PCDH9: variants seen among roughly 807,000 people sequenced by gnomAD.
PCDH9 encodes protocadherin-9.
In PCDH9, 24 loss-of-function variants were observed where a neutral mutation model predicts 70.6. The ratio of observed to expected loss-of-function variants is 0.34; its 90% CI spans 0.25 to 0.48. The LOEUF (loss-of-function observed/expected upper bound fraction) is 0.48. PCDH9 is among the 20% of genes least tolerant of loss of function. PCDH9 has a pLI of 0.99. For missense variants in PCDH9, 1,281 were observed against 1,503.6 expected (o/e 0.85, Z 2.45); for synonymous variants, 562 against 558.5 (o/e 1.01, Z -0.09).
chr13:66,725,971 C>T (rs2079000357), intron 3 of PCDH9, among the ~76,000 whole-genome samples: 1 of 152,124 alleles, frequency 6.6e-6, no homozygotes, highest in Admixed American at 6.5e-5. Flanking sequence ...TTAGGTTTTG[C>T]ATTAAAAGTA....
At chr13:66,541,425 G>A (rs930498151) in intron 4 of PCDH9, among the ~76,000 whole-genome samples, 3 of 152,108 alleles carry the variant, frequency 2.0e-5, no homozygotes, top group Admixed American at 2.0e-4. Context: ...CTGAGGGCTA[G>A]AAGCACAATA....
At chr13:66,690,999 T>G (rs570376987) in intron 3 of PCDH9, among the ~76,000 whole-genome samples, 1 of 152,306 alleles carries the variant, frequency 6.6e-6, no homozygotes, top group East Asian at 1.9e-4. Context: ...GTATTTTACC[T>G]AAACGTAAAT....
intron 2 of PCDH9, among the ~76,000 whole-genome samples, chr13:67,007,587 ATAACT>A (rs1409511443): frequency 1.3e-5 from 2 of 152,222 alleles, no homozygotes; most frequent in African/African-American, 2.4e-5. Context: ...GGAGTAAGAA[ATAACT>A]TAAATTCACT....
At chr13:66,726,496 T>C (rs2079007481) in intron 3 of PCDH9, among the ~76,000 whole-genome samples, 1 of 152,092 alleles carries the variant, frequency 6.6e-6, no homozygotes. Context: ...AAGAATGCAC[T>C]GTACACAAGT....
intron 2 of PCDH9, among the ~76,000 whole-genome samples, chr13:67,135,229 T>C (rs1168770679): frequency 6.6e-6 from 1 of 152,120 alleles, no homozygotes; most frequent in Non-Finnish European, 1.5e-5. Context: ...TTAAAATATA[T>C]TATTAACAAT....
chr13:66,820,704 T>C (rs1476716530), intron 3 of PCDH9, among the ~76,000 whole-genome samples: 3 of 152,108 alleles, frequency 2.0e-5, no homozygotes, highest in African/African-American at 4.8e-5. Context: ...TACAGGGACA[T>C]GGATGGAGCT....
intron 4 of PCDH9, among the ~76,000 whole-genome samples, chr13:66,520,780 C>T (rs1466985484): frequency 2.6e-5 from 4 of 152,084 alleles, no homozygotes; most frequent in African/African-American, 9.7e-5. Flanking sequence ...GTTTAGGTAT[C>T]TTATGTCTTA....
intron 4 of PCDH9, among the ~76,000 whole-genome samples, chr13:66,542,890 T>G (rs1961026789): frequency 6.6e-6 from 1 of 150,468 alleles, no homozygotes; most frequent in Admixed American, 6.7e-5. Context: ...AAATAAACAC[T>G]TTTTTCTTTA....
At chr13:66,859,259 A>G (rs2081443211) in intron 3 of PCDH9, 1 of 151,848 alleles carries the variant, frequency 6.6e-6, no homozygotes, top group Admixed American at 6.6e-5. Context: ...TCGAGACTCT[A>G]CTCCACCACT....
intron 4 of PCDH9, among the ~76,000 whole-genome samples, chr13:66,348,401 CTT>C (rs58647614): frequency 5.9e-4 from 86 of 145,268 alleles, no homozygotes; most frequent in Middle Eastern, 3.5e-3. Flanking sequence ...ATTTTCTTTT[CTT>C]TTTTTTTTTT....
In PCDH9 at chr13:66,304,465, A is replaced by G. The variant is rs1426793221; in HGVS notation, c.*190T>C. The stretch of plus-strand genomic sequence containing the variant: ...GAGTGTAATCAATTCTAGTAAACAA[A>G]ATTGCATGGCTAGAACTATCTTCTC... On this transcript the variant is annotated 3_prime_UTR_variant, in exon 5 of 5. Coordinates refer to ENST00000377865, the MANE Select transcript of PCDH9 (RefSeq NM_203487.3). The G allele has an allele frequency of 1.8e-6, 1 of 556,862 alleles. No homozygotes were observed. The highest frequency in any genetic ancestry group is 3.2e-6 in the Non-Finnish European group (1 of 315,024). The allele number at this position is 556,862 out of a possible 1,614,324, so 34.5% of individuals were successfully genotyped here.
intron 4 of PCDH9, among the ~76,000 whole-genome samples, chr13:66,536,338 A>G (rs1960702291): frequency 6.6e-6 from 1 of 152,112 alleles, no homozygotes; most frequent in Non-Finnish European, 1.5e-5. Context: ...TAATAACAGC[A>G]ACAACAAAAA....
chr13:66,731,349 G>T (rs2079077755), intron 3 of PCDH9, among the ~76,000 whole-genome samples: 1 of 152,030 alleles, frequency 6.6e-6, no homozygotes, highest in Admixed American at 6.6e-5. Flanking sequence ...CATGAATATG[G>T]TTCTAATGAA....
At chr13:66,765,423 AC>A (rs1468033230) in intron 3 of PCDH9, among the ~76,000 whole-genome samples, 1 of 152,030 alleles carries the variant, frequency 6.6e-6, no homozygotes, top group Non-Finnish European at 1.5e-5. Context: ...ATGTGTGAGA[AC>A]TCATTCACAC....
At chr13:66,916,546 C>T (rs188233160) in intron 2 of PCDH9, among the ~76,000 whole-genome samples, 1 of 151,634 alleles carries the variant, frequency 6.6e-6, no homozygotes, top group East Asian at 1.9e-4. Flanking sequence ...AAAGGAGGAT[C>T]TGGTGAGTTT....
chr13:66,879,198 T>C lies in PCDH9; in HGVS notation c.3138+24306A>G, dbSNP rs555828589. On this transcript the variant is annotated intron_variant, in intron 3 of 4. Transcript: ENST00000377865. ...TAAAAAATCTATATATATGCACAAT[T>C]ATTAATTATATTTCTTTTATTTTGA... Among the ~76,000 whole-genome samples, 99 of 152,314 alleles carry C rather than the reference T, an allele frequency of 6.5e-4. 2 individuals carry two copies. The highest frequency in any genetic ancestry group is 6.4e-3 in the South Asian group (31 of 4,828).
chr13:66,745,705 G>A (rs928985908), intron 3 of PCDH9, among the ~76,000 whole-genome samples: 1 of 151,846 alleles, frequency 6.6e-6, no homozygotes, highest in Non-Finnish European at 1.5e-5. Flanking sequence ...TCCACCAAAG[G>A]CAGCTATCGA....
intron 3 of PCDH9, among the ~76,000 whole-genome samples, chr13:66,816,738 G>A (rs978116413): frequency 6.6e-6 from 1 of 152,054 alleles, no homozygotes; most frequent in Non-Finnish European, 1.5e-5. Flanking sequence ...GTGACAACAT[G>A]GTAAAATCCC....
At chr13:66,491,208 T>C (rs566808623) in intron 4 of PCDH9, among the ~76,000 whole-genome samples, 2 of 152,288 alleles carry the variant, frequency 1.3e-5, no homozygotes, top group South Asian at 4.1e-4. Context: ...TTGTGTTTGA[T>C]AAGTCCATAG....
Sources: allele counts gnomAD v4.1 joint callset (sites outside exome capture counted in the v4.1 genomes callset), GRCh38; gene constraint gnomAD v4.1.1; transcripts MANE v1.5; gene names NCBI Gene and HGNC (gene_info 2026-07-23, HGNC 2026-07-21).